Variants in DTNB observed in about 807,000 individuals in gnomAD.
DTNB encodes the protein DTN-B.
DTNB carries 63 observed loss-of-function variants against 90.7 expected under a neutral mutation model. That is an observed-to-expected ratio of 0.69 (90% CI 0.57 to 0.86). The LOEUF (loss-of-function observed/expected upper bound fraction) is 0.86, where lower values mean the gene tolerates loss of function less well. Among genes scored for constraint, DTNB ranks in the 40% least tolerant of loss-of-function variants. The probability of loss-of-function intolerance (pLI) is 0.00; values close to 1 mark genes in which losing one functional copy is unlikely to be tolerated. For missense variants in DTNB, 744 were observed against 807.1 expected, an observed-to-expected ratio of 0.92 and a Z score of 0.95; for synonymous variants, 277 against 286.7, an observed-to-expected ratio of 0.97 and a Z score of 0.34.
chr2:25,543,795 T>C (rs2081869566), intron 8 of DTNB, among the ~76,000 whole-genome samples: 1 of 152,236 alleles, frequency 6.6e-6, no homozygotes, highest in Non-Finnish European at 1.5e-5. Flanking sequence ...ATTTGCTCTT[T>C]GAGTTTACTC....
intron 10 of DTNB, among the ~76,000 whole-genome samples, chr2:25,472,374 T>C (rs2062966979): frequency 6.6e-6 from 1 of 152,140 alleles, no homozygotes; most frequent in Non-Finnish European, 1.5e-5. Flanking sequence ...AAGTGGCATA[T>C]GCAGCCACCT....
At chr2:25,539,105 G>A (rs1277844081) in intron 8 of DTNB, among the ~76,000 whole-genome samples, 1 of 151,944 alleles carries the variant, frequency 6.6e-6, no homozygotes, top group Non-Finnish European at 1.5e-5. Flanking sequence ...ACTGCTTGAT[G>A]GTATTTCATT....
chr2:25,403,218 C>A (rs1381599326), intron 16 of DTNB, among the ~76,000 whole-genome samples: 1 of 152,210 alleles, frequency 6.6e-6, no homozygotes, highest in African/African-American at 2.4e-5. Flanking sequence ...TGGGTTCAAG[C>A]GATTCTTGTG....
intron 16 of DTNB, among the ~76,000 whole-genome samples, chr2:25,394,555 C>T (rs1215269640): frequency 6.6e-6 from 1 of 151,776 alleles, no homozygotes; most frequent in Non-Finnish European, 1.5e-5. Context: ...AAAAATAATC[C>T]CATAAAAAAG....
chr2:25,531,532 T>C lies in DTNB; in HGVS notation c.942A>G (p.Glu314=). 6.2e-7 allele frequency: 1 copy of C among 1,613,894 alleles called. No homozygotes were observed. The highest frequency in any genetic ancestry group is 8.5e-7 in the Non-Finnish European group (1 of 1,179,874). ...GCTCAGGAAAAACAGGATGCGGGGG[T>C]TCTCTCGTGGGTACACACCCCAAAG... ...SKSLGCVPTR[E]PPHPVFPEQP... The change falls in exon 9 of 21, where the codon GAA becomes GAG. Residue 314 remains glutamate, a synonymous_variant. Coordinates refer to ENST00000406818, the MANE Select transcript of DTNB (RefSeq NM_021907.5).
At chr2:25,454,889 C>G (rs1169538240) in intron 11 of DTNB, among the ~76,000 whole-genome samples, 1 of 152,250 alleles carries the variant, frequency 6.6e-6, no homozygotes, top group South Asian at 2.1e-4. Context: ...TGACCCAATA[C>G]CATTGTTGGG....
At chr2:25,490,641 T>C (rs921446313) in intron 9 of DTNB, among the ~76,000 whole-genome samples, 1 of 152,144 alleles carries the variant, frequency 6.6e-6, no homozygotes, top group African/African-American at 2.4e-5. Context: ...AAGTAAACCA[T>C]GGTATATCCA....
At chr2:25,423,010 T>C (rs2050276734) in intron 15 of DTNB, among the ~76,000 whole-genome samples, 1 of 152,138 alleles carries the variant, frequency 6.6e-6, no homozygotes, top group African/African-American at 2.4e-5. Context: ...CTGGCCAACA[T>C]GGTGAAACCC....
At chr2:25,662,679 C>A (rs200285410) in intron 1 of DTNB, among the ~76,000 whole-genome samples, 1,564 of 22,934 alleles carry the variant, frequency 0.068, 18 homozygotes, top group Middle Eastern at 0.14. Flanking sequence ...CACACACACA[C>A]AAACACACAC....
chr2:25,641,844 G>A (rs150966684), intron 2 of DTNB, among the ~76,000 whole-genome samples: 20 of 152,166 alleles, frequency 1.3e-4, no homozygotes, highest in Non-Finnish European at 2.2e-4. Flanking sequence ...TTGTTTGGAC[G>A]GAGTCTCGCT....
At chr2:25,584,374 A>G (rs1280438295) in intron 6 of DTNB, among the ~76,000 whole-genome samples, 1 of 152,204 alleles carries the variant, frequency 6.6e-6, no homozygotes, top group Non-Finnish European at 1.5e-5. Context: ...ATAAGCAAAC[A>G]TGGGAATCCA....
At position 25,471,065 on chromosome 2, in the gene DTNB, ACT is replaced by A. The variant is rs575387290; in HGVS notation, c.1079+11729_1079+11730del. ...CATAGGTTGTGGCTTGATGCAATCA[ACT>A]CTGTTTAGGGGAAAGAAAATAGTGT... is the stretch of plus-strand genomic sequence containing the variant. On this transcript the variant is annotated intron_variant, in intron 10 of 20. Coordinates refer to ENST00000406818, the MANE Select transcript of DTNB (RefSeq NM_021907.5). Among the ~76,000 whole-genome samples, 32 of 152,314 alleles carry A rather than the reference ACT, an allele frequency of 2.1e-4. No individual in the cohort carries two copies. The East Asian group carries it at 5.8e-3, about 28-fold the overall frequency.
At chr2:25,547,879 C>T (rs2082769117) in intron 8 of DTNB, among the ~76,000 whole-genome samples, 1 of 152,114 alleles carries the variant, frequency 6.6e-6, no homozygotes, top group African/African-American at 2.4e-5. Context: ...ACTTCTTTTA[C>T]CAAATTTGGT....
At chr2:25,425,465 A>G (rs890055706) in intron 15 of DTNB, among the ~76,000 whole-genome samples, 3 of 152,226 alleles carry the variant, frequency 2.0e-5, no homozygotes, top group Non-Finnish European at 4.4e-5. Context: ...GAAAGTCTCT[A>G]AACTGATATT....
At chr2:25,652,752 C>G in intron 1 of DTNB, 91 bp from the exon 2 acceptor site, 3 of 1,365,746 alleles carry the variant, frequency 2.2e-6, no homozygotes, top group Non-Finnish European at 3.0e-6. Flanking sequence ...GACCGGAAAC[C>G]AAGTTGCAAA....
In DTNB at chr2:25,469,394, G is replaced by A. The variant is rs184008880; in HGVS notation, c.1079+13402C>T. Reference sequence around the variant, plus strand: ...GAGAGCATTGGAAAATGAGGCTGGGGAGACAGGCTGGGCACCATGAAGGGT... The same window carrying A: ...GAGAGCATTGGAAAATGAGGCTGGGAAGACAGGCTGGGCACCATGAAGGGT... On this transcript the variant is annotated intron_variant, in intron 10 of 20. Coordinates refer to ENST00000406818, the MANE Select transcript of DTNB (RefSeq NM_021907.5). 5.9e-5 allele frequency among the ~76,000 whole-genome samples: 9 copies of A among 152,290 alleles called. No homozygotes were observed. The East Asian group carries it at 1.7e-3, about 29-fold the overall frequency.
intron 12 of DTNB, among the ~76,000 whole-genome samples, chr2:25,439,269 G>A (rs2056783872): frequency 6.6e-6 from 1 of 152,196 alleles, no homozygotes; most frequent in Non-Finnish European, 1.5e-5. Context: ...GGGAGACAGA[G>A]GTGGGAGGTC....
intron 15 of DTNB, among the ~76,000 whole-genome samples, chr2:25,419,808 A>G (rs1375452007): frequency 6.6e-6 from 1 of 152,188 alleles, no homozygotes; most frequent in African/African-American, 2.4e-5. Flanking sequence ...CATTCTTACT[A>G]TAGATCAAAC....
intron 3 of DTNB, among the ~76,000 whole-genome samples, chr2:25,635,454 TA>T (rs2076941121): frequency 1.3e-5 from 2 of 152,004 alleles, no homozygotes; most frequent in African/African-American, 2.4e-5. Flanking sequence ...ATTTAAAAAA[TA>T]AAAAACATCC....
Sources: allele counts gnomAD v4.1 joint callset (sites outside exome capture counted in the v4.1 genomes callset), GRCh38; gene constraint gnomAD v4.1.1; transcripts MANE v1.5; gene names NCBI Gene and HGNC (gene_info 2026-07-23, HGNC 2026-07-21).